Variants in IL1RAP observed in about 807,000 individuals in gnomAD.
The protein encoded by IL1RAP is interleukin-1 receptor accessory protein.
In IL1RAP, 35 loss-of-function variants were observed where a neutral mutation model predicts 60.7. That is an observed-to-expected ratio of 0.58 (90% CI 0.44 to 0.76). The LOEUF is 0.76. IL1RAP is among the 30% of genes least tolerant of loss of function. The pLI, the probability that IL1RAP is intolerant of heterozygous loss-of-function variation, is 0.00. For missense variants in IL1RAP, 572 were observed against 693.9 expected (o/e 0.82, Z 1.97); for synonymous variants, 268 against 250.9 (o/e 1.07, Z -0.64).
intron 1 of IL1RAP, among the ~76,000 whole-genome samples, chr3:190,529,852 T>G (rs1722841463): frequency 7.5e-6 from 1 of 133,510 alleles, no homozygotes; most frequent in African/African-American, 3.1e-5. Flanking sequence ...AGCGAGACTC[T>G]GACTCAAAAA....
Position 190,644,284 on chromosome 3 carries a change from G to T in IL1RAP, c.1088G>T (p.Gly363Val). 1.9e-6 allele frequency: 3 copies of T among 1,613,766 alleles called. No individual in the cohort carries two copies. The highest frequency in any genetic ancestry group is 2.5e-6 in the Non-Finnish European group (3 of 1,179,856). The change falls in exon 10 of 12, where the codon GGT becomes GTT. Residue 363 changes from glycine to valine, a missense_variant. Physicochemically the swap from Gly to Val is moderately radical, Grantham distance 109 (BLOSUM62 -3). Transcript: ENST00000447382. The part of the protein sequence containing the change: ...APRYTVELAC[G>V]FGATVLLVVI... The stretch of plus-strand genomic sequence containing the variant: ...AGATACACAGTGGAACTGGCTTGTG[G>T]TTTTGGAGCCACAGTCCTGCTAGTG...
At position 190,609,148 on chromosome 3, in the gene IL1RAP, T is replaced by C. The variant is rs1034736197; in HGVS notation, c.504T>C (p.Pro168=). The C allele has an allele frequency of 2.5e-6, 4 of 1,611,918 alleles. No individual in the cohort carries two copies. The highest frequency in any genetic ancestry group is 3.4e-6 in the Non-Finnish European group (4 of 1,178,994). Residue 168 remains proline (P), a synonymous_variant, in exon 5 of 12, where the codon CCT becomes CCC. Transcript: ENST00000447382. ...ITCPNVDGYF[P]SSVKPTITWY... is the part of the protein sequence containing the mutation. ...GTCCAAATGTAGATGGATATTTTCC[T>C]TCCAGTGTCAAACCGACTATCACTT... is the stretch of plus-strand genomic sequence containing the variant.
intron 3 of IL1RAP, among the ~76,000 whole-genome samples, chr3:190,584,562 T>G (rs1429007559): frequency 6.6e-6 from 1 of 152,240 alleles, no homozygotes; most frequent in Non-Finnish European, 1.5e-5. Context: ...ACCATTCTAA[T>G]AGTTTTACAG....
At chr3:190,547,592 T>C (rs1724489094) in intron 1 of IL1RAP, among the ~76,000 whole-genome samples, 1 of 151,988 alleles carries the variant, frequency 6.6e-6, no homozygotes, top group East Asian at 1.9e-4. Flanking sequence ...GGGACAAAAG[T>C]GGGGATTGGA....
intron 3 of IL1RAP, among the ~76,000 whole-genome samples, chr3:190,566,504 TC>T (rs1726413191): frequency 6.6e-6 from 1 of 152,114 alleles, no homozygotes; most frequent in Non-Finnish European, 1.5e-5. Context: ...AGCCCCCACC[TC>T]AAGTGCTGTT....
intron 6 of IL1RAP, among the ~76,000 whole-genome samples, chr3:190,621,098 T>C (rs1577748327): frequency 1.3e-5 from 2 of 152,278 alleles, no homozygotes; most frequent in African/African-American, 2.4e-5. Context: ...CTTTTGGGGA[T>C]TACCCCTAAA....
chr3:190,617,429 G>T (rs1233443005), intron 5 of IL1RAP, among the ~76,000 whole-genome samples: 2 of 152,150 alleles, frequency 1.3e-5, no homozygotes, highest in African/African-American at 4.8e-5. Flanking sequence ...GTGGTCGGTT[G>T]CCACAGCAAC....
chr3:190,652,116 AT>A (rs1734429959), downstream of IL1RAP, among the ~76,000 whole-genome samples: 1 of 151,876 alleles, frequency 6.6e-6, no homozygotes, highest in Non-Finnish European at 1.5e-5. Flanking sequence ...AACATATTTT[AT>A]TTTCGGTTAA....
rs918372829 is a variant in IL1RAP, at chr3:190,514,901, T to G, written c.-89+682T>G. Among the ~76,000 whole-genome samples, 3 of 152,196 alleles carry G rather than the reference T, an allele frequency of 2.0e-5. No homozygotes were observed. The South Asian group carries it at 6.2e-4, about 32-fold the overall frequency. On this transcript the variant is annotated intron_variant, in intron 1 of 11. Coordinates refer to ENST00000447382, the MANE Select transcript of IL1RAP (RefSeq NM_002182.4). The stretch of plus-strand genomic sequence containing the variant: ...CCTCACTTGGGAAGAGCTGACTTCA[T>G]GGAACCATAGAGCCCCTTCCCTCTT...
chr3:190,558,140 T>C (rs1228567721), intron 2 of IL1RAP, among the ~76,000 whole-genome samples: 3 of 152,222 alleles, frequency 2.0e-5, no homozygotes, highest in African/African-American at 4.8e-5. Flanking sequence ...TTGCTGAGTA[T>C]TATTCTATTT....
At chr3:190,536,690 A>G (rs1222044676) in intron 1 of IL1RAP, among the ~76,000 whole-genome samples, 1 of 152,234 alleles carries the variant, frequency 6.6e-6, no homozygotes, top group African/African-American at 2.4e-5. Context: ...AAAATGATGT[A>G]TAATAGATCA....
chr3:190,620,977 A>G (rs1731727385), intron 6 of IL1RAP, among the ~76,000 whole-genome samples: 1 of 152,212 alleles, frequency 6.6e-6, no homozygotes, highest in African/African-American at 2.4e-5. Context: ...ATTATTTTGC[A>G]CTAAGAGAAT....
At chr3:190,585,695 C>A (rs1425591497) in intron 3 of IL1RAP, among the ~76,000 whole-genome samples, 1 of 151,874 alleles carries the variant, frequency 6.6e-6, no homozygotes, top group East Asian at 1.9e-4. Flanking sequence ...GCCTGCAGTC[C>A]CAGCTACTTG....
chr3:190,616,059 A>G lies in IL1RAP; in HGVS notation c.538-4216A>G, dbSNP rs563255227. On this transcript the variant is annotated intron_variant, in intron 5 of 11. Coordinates refer to ENST00000447382, the MANE Select transcript of IL1RAP (RefSeq NM_002182.4). The stretch of plus-strand genomic sequence containing the variant: ...TACACATATAATTCTATATGTGTAC[A>G]TATATGCATATACAGATAACATTTG... Among the ~76,000 whole-genome samples the G allele has an allele frequency of 5.9e-5, 9 of 152,282 alleles. No homozygotes were observed. In the East Asian group the frequency reaches 1.7e-3, roughly 29 times the overall value.
downstream of IL1RAP, chr3:190,656,278 G>A: frequency 6.5e-7 from 1 of 1,537,242 alleles, no homozygotes; most frequent in Non-Finnish European, 8.7e-7. Flanking sequence ...TCGTTTGAAA[G>A]AGCCCCCAGA....
chr3:190,610,118 A>G (rs1304241995), intron 5 of IL1RAP, among the ~76,000 whole-genome samples: 2 of 152,188 alleles, frequency 1.3e-5, no homozygotes, highest in East Asian at 3.8e-4. Flanking sequence ...GAGTAGAATC[A>G]AAAGTAAACT....
At chr3:190,639,726 G>T (rs1733512736) in intron 9 of IL1RAP, among the ~76,000 whole-genome samples, 1 of 152,152 alleles carries the variant, frequency 6.6e-6, no homozygotes, top group African/African-American at 2.4e-5. Flanking sequence ...GTAAGACAGT[G>T]TTAAATTTTG....
At chr3:190,534,504 G>A (rs530262220) in intron 1 of IL1RAP, among the ~76,000 whole-genome samples, 1 of 152,202 alleles carries the variant, frequency 6.6e-6, no homozygotes, top group East Asian at 1.9e-4. Context: ...ACCTTGGGCC[G>A]AGATTTCCCA....
At chr3:190,587,753 C>A (rs1728589567) in intron 3 of IL1RAP, among the ~76,000 whole-genome samples, 1 of 152,110 alleles carries the variant, frequency 6.6e-6, no homozygotes, top group African/African-American at 2.4e-5. Flanking sequence ...TGTAAAATCT[C>A]CAAAATAAAA....
Sources: gnomAD v4.1 joint callset for allele counts (sites outside exome capture counted in the v4.1 genomes callset) on GRCh38, gnomAD v4.1.1 for gene constraint, MANE v1.5 for transcripts, NCBI Gene and HGNC (gene_info 2026-07-23, HGNC 2026-07-21) for gene names.